Variants in KCNH1 observed in about 807,000 individuals in gnomAD.
KCNH1 encodes potassium voltage-gated channel subfamily H member 1.
A neutral mutation model predicts 69.2 loss-of-function variants in KCNH1; 27 were observed. The ratio of observed to expected loss-of-function variants is 0.39; its 90% CI spans 0.29 to 0.54. The LOEUF is 0.54. Among genes scored for constraint, KCNH1 ranks in the 20% least tolerant of loss-of-function variants. The pLI is 0.68. For missense variants in KCNH1, 798 were observed against 1,261.6 expected, an observed-to-expected ratio of 0.63 and a Z score of 5.57; for synonymous variants, 456 against 487.7, an observed-to-expected ratio of 0.93 and a Z score of 0.86.
intron 5 of KCNH1, among the ~76,000 whole-genome samples, chr1:211,043,966 C>T (rs939719875): frequency 1.3e-5 from 2 of 152,138 alleles, no homozygotes; most frequent in African/African-American, 4.8e-5. Context: ...CCATCTATGA[C>T]AAACCCACAG....
intron 10 of KCNH1, among the ~76,000 whole-genome samples, chr1:210,722,366 C>T (rs115512481): frequency 0.019 from 2,930 of 152,144 alleles, 89 homozygotes; most frequent in African/African-American, 0.065. Flanking sequence ...TGAAAACCTC[C>T]CTCCATTATT....
Position 210,683,771 on chromosome 1 carries a change from C to A in KCNH1, c.2480G>T (p.Gly827Val). The A allele has an allele frequency of 6.2e-7, 1 of 1,613,844 alleles. No homozygotes were observed. The highest frequency in any genetic ancestry group is 1.3e-5 in the African/African-American group (1 of 75,058). The change falls in exon 11 of 11, where the codon GGC becomes GTC. Residue 827 changes from glycine (G) to valine (V), a missense_variant. Coordinates refer to ENST00000271751, the MANE Select transcript of KCNH1 (RefSeq NM_172362.3). This position sits in a 1 kb window ranked among gnomAD's most constrained non-coding sequence, Gnocchi z 5.7. Reference protein sequence around the residue: ...PGSECLGPKGGGGDCAKRKSW... With the variant: ...PGSECLGPKGVGGDCAKRKSW... ...TTTGCGCTTGGCACAATCGCCCCCG[C>A]CCCCCTTGGGGCCCAGGCACTCGGA...
chr1:211,055,597 G>A (rs544210573), intron 5 of KCNH1, among the ~76,000 whole-genome samples: 1 of 152,304 alleles, frequency 6.6e-6, no homozygotes, highest in East Asian at 1.9e-4. Flanking sequence ...CCAAGGAAGT[G>A]CTTGAGTCAC....
At chr1:210,984,637 GTGGCTAAGCA>G (rs1485303351) in intron 6 of KCNH1, among the ~76,000 whole-genome samples, 2 of 152,064 alleles carry the variant, frequency 1.3e-5, no homozygotes, top group Admixed American at 6.6e-5. Context: ...CTTGATCATG[GTGGCTAAGCA>G]TGGATAAGCT....
chr1:210,932,832 C>A lies in KCNH1; in HGVS notation c.1033-12763G>T, dbSNP rs569396372. ...ATAATAACTGTAAATATATATGAAC[C>A]CAACACTGGAGCTCTCAGATATATA... On this transcript the variant is annotated intron_variant, in intron 6 of 10. Transcript: ENST00000271751. Among the ~76,000 whole-genome samples the A allele has an allele frequency of 5.3e-4, 80 of 152,038 alleles. 1 individual carries two copies. Among genetic ancestry groups the A allele is most frequent in the Admixed American group, 5.2e-3 (80 of 15,266 alleles).
At chr1:210,745,773 C>T (rs537392616) in intron 10 of KCNH1, among the ~76,000 whole-genome samples, 2 of 152,102 alleles carry the variant, frequency 1.3e-5, no homozygotes, top group South Asian at 2.1e-4. Context: ...TTCTAGAAGG[C>T]TTTTCAGGGG....
chr1:211,124,607 C>T (rs978042158), intron 1 of KCNH1, among the ~76,000 whole-genome samples: 1 of 152,038 alleles, frequency 6.6e-6, no homozygotes, highest in East Asian at 1.9e-4. Context: ...CAGAGCAAGA[C>T]TCGGTCAAAA....
chr1:211,045,172 A>G (rs1690075187), intron 5 of KCNH1, among the ~76,000 whole-genome samples: 1 of 151,496 alleles, frequency 6.6e-6, no homozygotes, highest in African/African-American at 2.4e-5. Flanking sequence ...AGGAATGGAA[A>G]GCCAAACATT....
chr1:210,856,379 G>T (rs746854618), intron 7 of KCNH1, among the ~76,000 whole-genome samples: 5 of 152,110 alleles, frequency 3.3e-5, no homozygotes, highest in Non-Finnish European at 5.9e-5. Context: ...ATTAAGTGTA[G>T]ATTTCTGCTG....
intron 10 of KCNH1, among the ~76,000 whole-genome samples, chr1:210,718,237 A>C (rs1254591628): frequency 8.2e-6 from 1 of 121,916 alleles, no homozygotes; most frequent in Non-Finnish European, 1.6e-5. Flanking sequence ...TATATATAAA[A>C]AGTACTAAGT....
chr1:210,697,064 C>A lies in KCNH1; in HGVS notation c.2113-12926G>T, dbSNP rs923932767. ...TGAAGAATTTCAGATTTAGAGAGGT[C>A]CTTTGCTGATGGTTTACTCAGTCAG... On this transcript the variant is annotated intron_variant, in intron 10 of 10. Transcript: ENST00000271751. Among the ~76,000 whole-genome samples the A allele has an allele frequency of 3.9e-5, 6 of 152,178 alleles. No homozygotes were observed. The South Asian group carries it at 1.2e-3, about 32-fold the overall frequency.
chr1:210,881,942 G>C (rs1346532136), intron 7 of KCNH1, among the ~76,000 whole-genome samples: 1 of 152,220 alleles, frequency 6.6e-6, no homozygotes, highest in African/African-American at 2.4e-5. Flanking sequence ...GTATGATCCT[G>C]TAATAGTGAA....
intron 10 of KCNH1, among the ~76,000 whole-genome samples, chr1:210,754,821 G>A (rs1454109196): frequency 1.3e-5 from 2 of 150,738 alleles, no homozygotes; most frequent in Admixed American, 1.3e-4. Flanking sequence ...CATAAGGAGG[G>A]CCTGATACAC....
rs147140567 is a variant in KCNH1 at position 210,843,143 on chromosome 1, T to C, written c.1463-38977A>G. 1.8e-4 allele frequency among the ~76,000 whole-genome samples: 27 copies of C among 152,354 alleles called. No homozygotes were observed. The East Asian group carries it at 5.2e-3, about 29-fold the overall frequency. ...CCTGCAGAAGGTAGAGAAAGCTCTCTTAGCGGAAGCAAGAAAAAGGAATGA... is the reference window on the plus strand; with the variant it reads ...CCTGCAGAAGGTAGAGAAAGCTCTCCTAGCGGAAGCAAGAAAAAGGAATGA... On this transcript the variant is annotated intron_variant, in intron 7 of 10. Coordinates refer to ENST00000271751, the MANE Select transcript of KCNH1 (RefSeq NM_172362.3).
At chr1:210,731,001 T>C (rs1682736129) in intron 10 of KCNH1, among the ~76,000 whole-genome samples, 2 of 152,212 alleles carry the variant, frequency 1.3e-5, no homozygotes, top group South Asian at 2.1e-4. Flanking sequence ...TCATTAAAGA[T>C]GAGGTGTCTG....
intron 6 of KCNH1, among the ~76,000 whole-genome samples, chr1:210,974,031 A>G (rs1688557984): frequency 6.6e-6 from 1 of 152,146 alleles, no homozygotes; most frequent in South Asian, 2.1e-4. Context: ...CAGTTTCACC[A>G]CAGCCTCCCC....
At chr1:210,990,812 C>T (rs1365125670) in intron 6 of KCNH1, among the ~76,000 whole-genome samples, 1 of 152,034 alleles carries the variant, frequency 6.6e-6, no homozygotes, top group African/African-American at 2.4e-5. Flanking sequence ...GTATTTCATC[C>T]ATTTTGATTA....
intron 5 of KCNH1, among the ~76,000 whole-genome samples, chr1:211,052,343 C>T (rs1690222117): frequency 6.6e-6 from 1 of 152,242 alleles, no homozygotes; most frequent in Non-Finnish European, 1.5e-5. Flanking sequence ...TCGTCCAAAA[C>T]ACCCCAGTAA....
At chr1:210,969,030 G>A (rs569615838) in intron 6 of KCNH1, among the ~76,000 whole-genome samples, 19 of 151,628 alleles carry the variant, frequency 1.3e-4, no homozygotes, top group African/African-American at 2.7e-4. Flanking sequence ...TTAATTATAC[G>A]GATTATTTCC....
Sources: gnomAD v4.1 joint callset for allele counts (sites outside exome capture counted in the v4.1 genomes callset) on GRCh38, gnomAD v4.1.1 for gene constraint, Gnocchi (gnomAD v3.1) non-coding constraint, MANE v1.5 for transcripts, NCBI Gene and HGNC (gene_info 2026-07-23, HGNC 2026-07-21) for gene names.